The following ABHD12 variants were observed in gnomAD, a reference collection of about 807,000 sequenced individuals.
ABHD12 encodes abhydrolase domain containing 12, lysophospholipase, also known as lysophosphatidylserine lipase ABHD12.
Under a neutral mutation model 58.3 loss-of-function variants are expected in ABHD12, and 43 were observed. That is an observed-to-expected ratio of 0.74 (90% CI 0.58 to 0.95). The LOEUF (loss-of-function observed/expected upper bound fraction) is 0.95, where lower values mean the gene tolerates loss of function less well. Ranked by LOEUF, ABHD12 falls within the 40% of genes least tolerant of loss-of-function variation. The pLI is 0.00. For synonymous variants in ABHD12, 219 were observed against 211.2 expected, an observed-to-expected ratio of 1.04 and a Z score of -0.32; for missense variants, 539 against 537.2, an observed-to-expected ratio of 1.00 and a Z score of -0.03.
intron 1 of ABHD12, among the ~76,000 whole-genome samples, chr20:25,343,773 C>T (rs1263448181): frequency 1.3e-5 from 2 of 151,670 alleles, no homozygotes; most frequent in African/African-American, 4.9e-5. Context: ...CCAGCCTGAG[C>T]AACAAAGGAA....
chr20:25,307,489 A>C (rs1209844597), intron 9 of ABHD12, among the ~76,000 whole-genome samples: 1 of 152,258 alleles, frequency 6.6e-6, no homozygotes, highest in African/African-American at 2.4e-5. Context: ...CCAAGGTTCC[A>C]TTCCCAGCTG....
chr20:25,333,774 C>T (rs1393152587), intron 2 of ABHD12, among the ~76,000 whole-genome samples: 2 of 151,826 alleles, frequency 1.3e-5, no homozygotes, highest in East Asian at 3.8e-4. Context: ...ATGCTAAAAA[C>T]TCTCAATAAA....
At chr20:25,341,763 T>C (rs141672573) in intron 1 of ABHD12, among the ~76,000 whole-genome samples, 3 of 151,964 alleles carry the variant, frequency 2.0e-5, no homozygotes, top group Non-Finnish European at 2.9e-5. Flanking sequence ...CTGGGTATAA[T>C]GTGAGAGGCG....
At chr20:25,375,122 T>C (rs1362635801) in intron 1 of ABHD12, among the ~76,000 whole-genome samples, 1 of 152,166 alleles carries the variant, frequency 6.6e-6, no homozygotes, top group African/African-American at 2.4e-5. Context: ...TTAGACCATA[T>C]GAAGACACAT....
At chr20:25,348,085 C>T (rs2089544901) in intron 1 of ABHD12, among the ~76,000 whole-genome samples, 1 of 151,898 alleles carries the variant, frequency 6.6e-6, no homozygotes, top group South Asian at 2.1e-4. Flanking sequence ...TGGCACACGC[C>T]TGTAGTCCCA....
chr20:25,325,976 CAGG>C (rs2089167726), intron 2 of ABHD12, among the ~76,000 whole-genome samples: 1 of 150,266 alleles, frequency 6.7e-6, no homozygotes, highest in Non-Finnish European at 1.5e-5. Context: ...GAGCCTGAGG[CAGG>C]AGAATGGCTT....
chr20:25,308,667 C>T (rs2088792569), intron 7 of ABHD12, among the ~76,000 whole-genome samples, 173 bp from the exon 8 acceptor site: 1 of 152,192 alleles, frequency 6.6e-6, no homozygotes, highest in African/African-American at 2.4e-5. Context: ...CCTGGCTGCC[C>T]CACCATCAGC....
At chr20:25,301,970 C>T (rs936219618) in intron 12 of ABHD12, among the ~76,000 whole-genome samples, 2 of 152,230 alleles carry the variant, frequency 1.3e-5, no homozygotes, top group South Asian at 2.1e-4. Flanking sequence ...TGTGCCCCCC[C>T]GTGTGGGTCT....
rs559662163 is a variant in ABHD12 at position 25,364,428 on chromosome 20, G to A, written c.192-25077C>T. On this transcript the variant is annotated intron_variant, in intron 1 of 12. Coordinates refer to ENST00000339157, the MANE Select transcript of ABHD12 (RefSeq NM_001042472.3). The stretch of plus-strand genomic sequence containing the variant: ...TTCCACTCAGGGTGGAAAGCAAGGG[G>A]ATGTGGTGGGCAGAGATCGCAGAGC... 6.6e-5 allele frequency among the ~76,000 whole-genome samples: 10 copies of A among 152,328 alleles called. No individual in the cohort carries two copies. The East Asian group carries it at 1.7e-3, about 26-fold the overall frequency.
intron 10 of ABHD12, among the ~76,000 whole-genome samples, chr20:25,306,124 G>A (rs60406525): frequency 6.6e-6 from 1 of 150,722 alleles, no homozygotes; most frequent in South Asian, 2.1e-4. Context: ...CTGAGATCAC[G>A]CCACTGCACT....
chr20:25,382,926 C>G (rs1044354060), intron 1 of ABHD12, among the ~76,000 whole-genome samples: 1 of 151,950 alleles, frequency 6.6e-6, no homozygotes, highest in African/African-American at 2.4e-5. Context: ...AAGAGGAAAA[C>G]CAGTACCAGT....
At chr20:25,294,860 A>G in exon 13 of ABHD12, 3 of 1,247,092 alleles carry the variant, frequency 2.4e-6, no homozygotes, top group Non-Finnish European at 2.4e-6. Flanking sequence ...CGTTGGCAAA[A>G]GTTGAATCCG....
At chr20:25,326,687 AATGATTTGTTTTTTAATAAAC>A (rs1334773094) in intron 2 of ABHD12, among the ~76,000 whole-genome samples, 1 of 152,192 alleles carries the variant, frequency 6.6e-6, no homozygotes, top group Non-Finnish European at 1.5e-5. Flanking sequence ...TCAGTCCTAT[AATGATTTGTTTTTTAATAAAC>A]ATGGGGACTG....
Position 25,302,354 on chromosome 20 carries a change from G to T in ABHD12, c.1030-8C>A. 6.2e-7 allele frequency: 1 copy of T among 1,612,954 alleles called. No homozygotes were observed. Among genetic ancestry groups the T allele is most frequent in the African/African-American group, 1.3e-5 (1 of 75,012 alleles). On this transcript the variant is annotated splice_region_variant and splice_polypyrimidine_tract_variant and intron_variant, in intron 11 of 12. Transcript: ENST00000339157. The stretch of plus-strand genomic sequence containing the variant: ...TGCGGCGATGCTATAGAGCTGGGGA[G>T]AGAGGGGTCAGAGCCTGAGGCAGTG...
At chr20:25,346,561 G>A (rs1287263748) in intron 1 of ABHD12, among the ~76,000 whole-genome samples, 1 of 152,154 alleles carries the variant, frequency 6.6e-6, no homozygotes, top group Non-Finnish European at 1.5e-5. Context: ...TACCATGTGT[G>A]GTAGGGGCGG....
chr20:25,376,468 C>T (rs759630805), intron 1 of ABHD12, among the ~76,000 whole-genome samples: 5 of 152,184 alleles, frequency 3.3e-5, no homozygotes, highest in Non-Finnish European at 7.3e-5. Context: ...AACAAAAAAT[C>T]ATGAGGATTC....
intron 1 of ABHD12, among the ~76,000 whole-genome samples, chr20:25,361,930 G>T (rs571036965): frequency 7.6e-4 from 115 of 151,760 alleles, no homozygotes; most frequent in African/African-American, 2.7e-3. Flanking sequence ...ACTCCAGCCT[G>T]GGGGACAGAG....
intron 4 of ABHD12, 33 bp downstream of exon 4, chr20:25,320,166 C>G (rs1372795047): frequency 6.2e-7 from 1 of 1,612,640 alleles, no homozygotes; most frequent in South Asian, 1.1e-5. Flanking sequence ...GAGCCATGCT[C>G]CACAGCAAAG....
intron 2 of ABHD12, among the ~76,000 whole-genome samples, chr20:25,326,367 C>T (rs1245982269): frequency 6.6e-6 from 1 of 152,184 alleles, no homozygotes; most frequent in African/African-American, 2.4e-5. Context: ...GGCCTCATAA[C>T]TTGTCTATAC....
Sources: gnomAD v4.1 joint callset for allele counts (sites outside exome capture counted in the v4.1 genomes callset) on GRCh38, gnomAD v4.1.1 for gene constraint, MANE v1.5 for transcripts, NCBI Gene and HGNC (gene_info 2026-07-23, HGNC 2026-07-21) for gene names.